Variants in NKX3-2 observed in about 807,000 individuals in gnomAD.
NKX3-2 encodes the protein homeobox protein Nkx-3.2.
Under a neutral mutation model 19.4 loss-of-function variants are expected in NKX3-2, and 13 were observed. That is an observed-to-expected ratio of 0.67 (90% confidence interval 0.44 to 1.07). NKX3-2 has a LOEUF of 1.07. Ranked by LOEUF, NKX3-2 falls within the 50% of genes least tolerant of loss-of-function variation. NKX3-2 has a pLI of 0.00. For synonymous variants in NKX3-2, 269 were observed against 230.5 expected (o/e 1.17, Z -1.51); for missense variants, 562 against 488.2 (o/e 1.15, Z -1.42).
rs1467635070 is a variant in NKX3-2, at chr4:13,541,753, G to A, written c.*240C>T. On this transcript the variant is annotated 3_prime_UTR_variant, in exon 2 of 2. Transcript: ENST00000382438. The stretch of plus-strand genomic sequence containing the variant: ...ATAGAGCCCAGGGGCTTCCAGGCAG[G>A]TGGGCGATCAGGGCCCCTAGGCCAT... The A allele has an allele frequency of 2.0e-6, 1 of 508,648 alleles. No individual in the cohort carries two copies. Among genetic ancestry groups the A allele is most frequent in the Non-Finnish European group, 3.4e-6 (1 of 290,312 alleles). 31.5% of individuals were successfully genotyped at this position (508,648 alleles called of 1,614,324 possible). A position where few individuals can be genotyped will look rare whatever the true frequency, so the allele number is the denominator to read the frequency against.
At position 13,544,154 on chromosome 4, in the gene NKX3-2, G is replaced by A; in HGVS notation, c.261C>T (p.Ser87=). 6.2e-7 allele frequency: 1 copy of A among 1,605,472 alleles called. No homozygotes were observed. Among genetic ancestry groups the A allele is most frequent in the Non-Finnish European group, 8.5e-7 (1 of 1,178,758 alleles). The stretch of plus-strand genomic sequence containing the variant: ...CGGAGTCCGAGTCCCAGCCTTCCGG[G>A]CTCTCCGCAGTCCGCCCCGCAGCTG... ...TRTAAGRTAE[S]PEGWDSDSAL... The change falls in exon 1 of 2, where the codon AGC becomes AGT. Residue 87 remains serine, a synonymous_variant. Coordinates refer to ENST00000382438, the MANE Select transcript of NKX3-2 (RefSeq NM_001189.4).
Position 13,542,128 on chromosome 4 carries a change from GTCGTCGCGCAC to G in NKX3-2, c.856_866del (p.Val286ProfsTer70). On this transcript the variant is annotated frameshift_variant, in exon 2 of 2. Transcript: ENST00000382438. LOFTEE classifies it high-confidence loss of function. This position sits in a 1 kb window ranked among gnomAD's most constrained non-coding sequence, Gnocchi z 6.4. ...CTTCGCCGGGCAGGTATTGTCTCTGGTCGTCGCGCACCAGCACCTTTACGGCCACCTTCTTG... is the reference window on the plus strand; with the variant it reads ...CTTCGCCGGGCAGGTATTGTCTCTGGCAGCACCTTTACGGCCACCTTCTTG... The G allele has an allele frequency of 6.2e-7, 1 of 1,611,500 alleles. No homozygotes were observed. The highest frequency in any genetic ancestry group is 8.5e-7 in the Non-Finnish European group (1 of 1,178,478).
Position 13,543,962 on chromosome 4 carries a change from G to A in NKX3-2, c.453C>T (p.Ser151=). 2 of 1,549,240 alleles carry A rather than the reference G, an allele frequency of 1.3e-6. No homozygotes were observed. Among genetic ancestry groups the A allele is most frequent in the Non-Finnish European group, 1.7e-6 (2 of 1,149,458 alleles). The stretch of plus-strand genomic sequence containing the variant: ...GCCGCAGCAGACCTGAGACGCTGGC[G>A]GACATCTCGCTGTCGCTCCGGCCCG... ...EAAGRSDSEM[S]ASVSGDRSPR... The change falls in exon 1 of 2, where the codon TCC becomes TCT. Residue 151 remains serine, a synonymous_variant. Coordinates refer to ENST00000382438, the MANE Select transcript of NKX3-2 (RefSeq NM_001189.4). The surrounding 1 kb of genome is among the most constrained non-coding windows in gnomAD (Gnocchi z 7.1).
upstream of NKX3-2, chr4:13,545,052 C>G (rs542191954): frequency 6.6e-6 from 1 of 152,462 alleles, no homozygotes; most frequent in African/African-American, 2.4e-5. Context: ...CCCCTCCCGC[C>G]CGGGTGTCAT....
chr4:13,544,184 G>C lies in NKX3-2; in HGVS notation c.231C>G (p.Thr77=). Residue 77 remains threonine, a synonymous_variant, in exon 1 of 2, where the codon ACC becomes ACG. Coordinates refer to ENST00000382438, the MANE Select transcript of NKX3-2 (RefSeq NM_001189.4). ...EDSLLASPAG[T]RTAAGRTAES... Reference sequence around the variant, plus strand: ...CCGCAGTCCGCCCCGCAGCTGTTCTGGTACCGGCAGGAGACGCCAGCAGAG... The same window carrying C: ...CCGCAGTCCGCCCCGCAGCTGTTCTCGTACCGGCAGGAGACGCCAGCAGAG... 1 of 1,603,344 alleles carries C rather than the reference G, an allele frequency of 6.2e-7. No individual in the cohort carries two copies. Among genetic ancestry groups the C allele is most frequent in the Non-Finnish European group, 8.5e-7 (1 of 1,178,946 alleles).
rs1013267291 is a variant in NKX3-2 at position 13,542,858 on chromosome 4, C to G, written c.467-330G>C. On this transcript the variant is annotated intron_variant, in intron 1 of 1. Transcript: ENST00000382438. This position sits in a 1 kb window ranked among gnomAD's most constrained non-coding sequence, Gnocchi z 6.4. ...CGACCCGAGCATCCGCGAAAGCCCT[C>G]CCGGCTCTCAGCGTTGAGCATTGGG... Among the ~76,000 whole-genome samples, 4 of 152,040 alleles carry G rather than the reference C, an allele frequency of 2.6e-5. No individual in the cohort carries two copies. Among genetic ancestry groups the G allele is most frequent in the Admixed American group, 2.6e-4 (4 of 15,272 alleles).
chr4:13,543,758 T>C lies in NKX3-2; in HGVS notation c.466+191A>G, dbSNP rs1375260913. Among the ~76,000 whole-genome samples the C allele has an allele frequency of 6.6e-6, 1 of 152,218 alleles. No homozygotes were observed. Among genetic ancestry groups the C allele is most frequent in the Non-Finnish European group, 1.5e-5 (1 of 68,042 alleles). On this transcript the variant is annotated intron_variant, in intron 1 of 1. Coordinates refer to ENST00000382438, the MANE Select transcript of NKX3-2 (RefSeq NM_001189.4). This position sits in a 1 kb window ranked among gnomAD's most constrained non-coding sequence, Gnocchi z 7.1. Reference sequence around the variant, plus strand: ...CCCAGGACGTAGGGCTCTGAGGAGCTACTCCGGTCTCTCGCGGGCTCAGTT... The same window carrying C: ...CCCAGGACGTAGGGCTCTGAGGAGCCACTCCGGTCTCTCGCGGGCTCAGTT...
chr4:13,544,334 C>T lies in NKX3-2; in HGVS notation c.81G>A (p.Leu27=). 1 of 1,531,996 alleles carries T rather than the reference C, an allele frequency of 6.5e-7. No homozygotes were observed. The highest frequency in any genetic ancestry group is 8.7e-7 in the Non-Finnish European group (1 of 1,147,216). The allele number at this position is 1,531,996 out of a possible 1,614,324, so 94.9% of individuals were successfully genotyped here. ...GCGCCGGGCGCCCCTCTGGCGCGGC[C>T]AGCCCGCCGCGCTCCTCTTTCTTGT... ...ILNKKEERGG[L]AAPEGRPAPG... The change falls in exon 1 of 2, where the codon CTG becomes CTA. Residue 27 remains leucine, a synonymous_variant. Coordinates refer to ENST00000382438, the MANE Select transcript of NKX3-2 (RefSeq NM_001189.4).
At chr4:13,547,478 T>G (rs1207532512), upstream of NKX3-2, 5 of 274,908 alleles carry the variant, frequency 1.8e-5, no homozygotes, top group Non-Finnish European at 3.5e-5. Context: ...TCGCTCAGCG[T>G]CCGCGCCTCT....
rs758242616 is a variant in NKX3-2 at position 13,544,426 on chromosome 4, G to A, written c.-12C>T. The A allele has an allele frequency of 1.7e-5, 26 of 1,490,020 alleles. No individual in the cohort carries two copies. In the South Asian group the frequency reaches 3.0e-4, roughly 17 times the overall value. The allele number at this position is 1,490,020 out of a possible 1,614,324, so 92.3% of individuals were successfully genotyped here. On this transcript the variant is annotated 5_prime_UTR_variant, in exon 1 of 2. Coordinates refer to ENST00000382438, the MANE Select transcript of NKX3-2 (RefSeq NM_001189.4). ...CCGCGCACAGCCATCTGCGCCGCGG[G>A]CAGGAGCGGCCGGCGGGGCGGGCAG...
Position 13,542,304 on chromosome 4 carries a change from G to C in NKX3-2, c.691C>G (p.Leu231Val), listed in dbSNP as rs1452774111. The C allele has an allele frequency of 2.5e-6, 4 of 1,603,330 alleles. No individual in the cohort carries two copies. Among genetic ancestry groups the C allele is most frequent in the Non-Finnish European group, 3.4e-6 (4 of 1,176,282 alleles). Residue 231 changes from leucine (L) to valine (V), a missense_variant, in exon 2 of 2, where the codon CTG (leucine) becomes GTG (valine). Leu to Val is a conservative substitution (Grantham distance 32, BLOSUM62 1). Coordinates refer to ENST00000382438, the MANE Select transcript of NKX3-2 (RefSeq NM_001189.4). This position sits in a 1 kb window ranked among gnomAD's most constrained non-coding sequence, Gnocchi z 6.4. ...AGGTCTGCGCGCTCGGGCCCGGACAGGTAGCGCTGGTGGTTAAAGCGGCGC... is the reference window on the plus strand; with the variant it reads ...AGGTCTGCGCGCTCGGGCCCGGACACGTAGCGCTGGTGGTTAAAGCGGCGC... ...LERRFNHQRY[L>V]SGPERADLAA... is the part of the protein sequence containing the mutation.
Position 13,541,446 on chromosome 4 carries a change from C to T in NKX3-2, c.*547G>A, listed in dbSNP as rs141974005. On this transcript the variant is annotated 3_prime_UTR_variant, in exon 2 of 2. Transcript: ENST00000382438. ...GAGGGCCTGAAAACCCAATCCTTCA[C>T]GTTTCAAATCAACCCCTGGCCTGGT... The T allele has an allele frequency of 5.4e-3, 816 of 152,474 alleles. 3 individuals carry two copies. Among genetic ancestry groups the T allele is most frequent in the Middle Eastern group, 0.014 (4 of 294 alleles). The allele number at this position is 152,474 out of a possible 1,614,324, so 9.4% of individuals were successfully genotyped here.
In NKX3-2 at chr4:13,542,433, C is replaced by A. The variant is rs780147897; in HGVS notation, c.562G>T (p.Gly188Trp). The A allele has an allele frequency of 1.9e-6, 3 of 1,553,208 alleles. No individual in the cohort carries two copies. Among genetic ancestry groups the A allele is most frequent in the Non-Finnish European group, 2.6e-6 (3 of 1,156,792 alleles). The change falls in exon 2 of 2, where the codon GGG becomes TGG. Residue 188 changes from glycine (G) to tryptophan (W), a missense_variant. By Grantham distance (184) the Gly-to-Trp change is radical. Coordinates refer to ENST00000382438, the MANE Select transcript of NKX3-2 (RefSeq NM_001189.4). This position sits in a 1 kb window ranked among gnomAD's most constrained non-coding sequence, Gnocchi z 6.4. ...TCCTCCTCCGCGACGCCTGCCGGCC[C>A]GCTGCCGCCCCCGCCGCCGGCCCCG... ...CSGAGGGGGSGPAGVAEEEEE... is the reference protein window; with the variant it reads ...CSGAGGGGGSWPAGVAEEEEE...
chr4:13,544,642 G>A (rs1300972145), upstream of NKX3-2: 1 of 275,178 alleles, frequency 3.6e-6, no homozygotes, highest in East Asian at 6.3e-5. Context: ...CCCTCCCCCC[G>A]AATCCAGAGC....
chr4:13,544,173 G>T lies in NKX3-2; in HGVS notation c.242C>A (p.Ala81Glu), dbSNP rs1261292999. 6.2e-7 allele frequency: 1 copy of T among 1,604,198 alleles called. No homozygotes were observed. Among genetic ancestry groups the T allele is most frequent in the Non-Finnish European group, 8.5e-7 (1 of 1,178,972 alleles). Residue 81 changes from alanine to glutamate, a missense_variant, in exon 1 of 2, where the codon GCG becomes GAG. Physicochemically the swap from Ala to Glu is moderately radical, Grantham distance 107. Transcript: ENST00000382438. ...TTCCGGGCTCTCCGCAGTCCGCCCC[G>T]CAGCTGTTCTGGTACCGGCAGGAGA... ...LASPAGTRTA[A>E]GRTAESPEGW...
chr4:13,544,069 C>T lies in NKX3-2; in HGVS notation c.346G>A (p.Ala116Thr), dbSNP rs1384862883. Residue 116 changes from alanine (A) to threonine (T), a missense_variant, in exon 1 of 2, where the codon GCC becomes ACC. Transcript: ENST00000382438. Reference protein sequence around the residue: ...RCADARGASGAGLAGGSLSLG... With the variant: ...RCADARGASGTGLAGGSLSLG... ...CTCAAGGATCCCCCCGCAAGGCCGGCCCCGCTGGCCCCCCGCGCGTCCGCG... is the reference window on the plus strand; with the variant it reads ...CTCAAGGATCCCCCCGCAAGGCCGGTCCCGCTGGCCCCCCGCGCGTCCGCG... The T allele has an allele frequency of 2.5e-6, 4 of 1,575,896 alleles. No individual in the cohort carries two copies. Among genetic ancestry groups the T allele is most frequent in the East Asian group, 2.3e-5 (1 of 42,636 alleles).
chr4:13,546,869 C>T (rs1450349642), upstream of NKX3-2: 1 of 454,760 alleles, frequency 2.2e-6, no homozygotes, highest in Admixed American at 2.4e-5. Flanking sequence ...CAGAAGTCTT[C>T]AAAGCATGAA....
chr4:13,543,736 A>G lies in NKX3-2; in HGVS notation c.466+213T>C, dbSNP rs917779453. Among the ~76,000 whole-genome samples, 8 of 152,210 alleles carry G rather than the reference A, an allele frequency of 5.3e-5. No homozygotes were observed. Among genetic ancestry groups the G allele is most frequent in the African/African-American group, 1.9e-4 (8 of 41,472 alleles). On this transcript the variant is annotated intron_variant, in intron 1 of 1. Coordinates refer to ENST00000382438, the MANE Select transcript of NKX3-2 (RefSeq NM_001189.4). The surrounding 1 kb of genome is among the most constrained non-coding windows in gnomAD (Gnocchi z 7.1). ...CCCAGGATGTCTCAGGCCTCACCCC[A>G]GGACGTAGGGCTCTGAGGAGCTACT...
chr4:13,547,120 T>C, upstream of NKX3-2: 1 of 456,308 alleles, frequency 2.2e-6, no homozygotes, highest in South Asian at 1.5e-5. Flanking sequence ...AAGCTGCTCC[T>C]AGCAAGGGGT....
Sources: gnomAD v4.1 joint callset for allele counts (sites outside exome capture counted in the v4.1 genomes callset) on GRCh38, gnomAD v4.1.1 for gene constraint, Gnocchi (gnomAD v3.1) non-coding constraint, MANE v1.5 for transcripts, NCBI Gene and HGNC (gene_info 2026-07-23, HGNC 2026-07-21) for gene names.